Variants in JAM2 observed in about 807,000 individuals in gnomAD.
JAM2 encodes the protein junctional adhesion molecule 2, also known as junctional adhesion molecule B.
JAM2 carries 17 observed loss-of-function variants against 42.0 expected under a neutral mutation model. That is an observed-to-expected ratio of 0.40 (90% CI 0.28 to 0.61). The LOEUF (loss-of-function observed/expected upper bound fraction) is 0.61. JAM2 is among the 20% of genes least tolerant of loss of function. The pLI, the probability that JAM2 is intolerant of heterozygous loss-of-function variation, is 0.37. For missense variants in JAM2, 319 were observed against 358.3 expected (o/e 0.89, Z 0.89); for synonymous variants, 118 against 128.6 (o/e 0.92, Z 0.56).
At chr21:25,663,179 A>G (rs556205186) in intron 1 of JAM2, among the ~76,000 whole-genome samples, 4 of 152,288 alleles carry the variant, frequency 2.6e-5, no homozygotes, top group Admixed American at 6.5e-5. Flanking sequence ...TGCCTTGAAC[A>G]TAGGGTTTGT....
chr21:25,707,937 C>A (rs1325672167), intron 7 of JAM2, among the ~76,000 whole-genome samples: 1 of 151,872 alleles, frequency 6.6e-6, no homozygotes, highest in African/African-American at 2.4e-5. Flanking sequence ...CTTGACTTTC[C>A]GGGCTCAAGC....
At chr21:25,691,744 A>T (rs956732800) in intron 3 of JAM2, among the ~76,000 whole-genome samples, 6 of 152,080 alleles carry the variant, frequency 3.9e-5, no homozygotes, top group Admixed American at 3.3e-4. Context: ...AAAATATAAC[A>T]TGGGGCTGGG....
At chr21:25,708,308 C>T (rs2034312388) in intron 7 of JAM2, among the ~76,000 whole-genome samples, 1 of 152,142 alleles carries the variant, frequency 6.6e-6, no homozygotes, top group Admixed American at 6.5e-5. Flanking sequence ...GTGGCTCACA[C>T]TTGCATTCCC....
chr21:25,714,273 G>A (rs1328084752), intron 9 of JAM2: 8 of 1,232,934 alleles, frequency 6.5e-6, no homozygotes, highest in Admixed American at 4.7e-5. Flanking sequence ...TTGGAAGGCC[G>A]CGGCGGGCGG....
Position 25,709,446 on chromosome 21 carries a change from T to G in JAM2, c.818T>G (p.Phe273Cys). ...RKGYFSKETS[F>C]QKSNSSSKAT... The stretch of plus-strand genomic sequence containing the variant: ...TTTTCTTTTGTAGAAGAAACCTCCT[T>G]CCAGTAAGTATACTTTCCTACAATG... The change falls in exon 8 of 10, where the codon TTC becomes TGC. Residue 273 changes from phenylalanine to cysteine, a missense_variant. By Grantham distance (205) the Phe-to-Cys change is radical (BLOSUM62 -2). Coordinates refer to ENST00000480456, the MANE Select transcript of JAM2 (RefSeq NM_021219.4). 2 of 1,443,314 alleles carry G rather than the reference T, an allele frequency of 1.4e-6. No individual in the cohort carries two copies. Among genetic ancestry groups the G allele is most frequent in the South Asian group, 1.3e-5 (1 of 77,402 alleles). The allele number at this position is 1,443,314 out of a possible 1,614,324, so 89.4% of individuals were successfully genotyped here. A position where few individuals can be genotyped will look rare whatever the true frequency, so the allele number is the denominator to read the frequency against.
At chr21:25,708,287 G>T (rs983135158) in intron 7 of JAM2, among the ~76,000 whole-genome samples, 1 of 152,092 alleles carries the variant, frequency 6.6e-6, no homozygotes, top group Admixed American at 6.6e-5. Context: ...AGAATAACTG[G>T]GCTGGGTGTG....
intron 4 of JAM2, among the ~76,000 whole-genome samples, chr21:25,697,319 G>T (rs557456760): frequency 7.9e-5 from 12 of 152,116 alleles, no homozygotes; most frequent in Non-Finnish European, 1.0e-4. Context: ...ACAGTACCTA[G>T]ATTAGTGTTT....
intron 1 of JAM2, among the ~76,000 whole-genome samples, chr21:25,682,744 A>G (rs1197312775): frequency 6.6e-6 from 1 of 152,178 alleles, no homozygotes; most frequent in Non-Finnish European, 1.5e-5. Context: ...TTGAAGGATG[A>G]ATGCAGGGTT....
intron 6 of JAM2, among the ~76,000 whole-genome samples, chr21:25,704,532 A>C (rs1363636356): frequency 6.6e-6 from 1 of 152,224 alleles, no homozygotes; most frequent in South Asian, 2.1e-4. Context: ...GCTTTAAAAT[A>C]TTTAAATTAT....
At chr21:25,695,103 T>A (rs1277149127) in intron 4 of JAM2, among the ~76,000 whole-genome samples, 2 of 151,852 alleles carry the variant, frequency 1.3e-5, no homozygotes, top group African/African-American at 2.4e-5. Context: ...GGGTCTTTGG[T>A]TTTCCTAGGC....
chr21:25,709,523 C>A, intron 8 of JAM2, 74 bp downstream of exon 8: 1 of 998,100 alleles, frequency 1.0e-6, no homozygotes, highest in Non-Finnish European at 1.5e-6. Context: ...TGTTTAAAGT[C>A]AAAAGAGAGA....
At chr21:25,678,204 CA>C (rs1176099154) in intron 1 of JAM2, among the ~76,000 whole-genome samples, 1 of 151,972 alleles carries the variant, frequency 6.6e-6, no homozygotes, top group African/African-American at 2.4e-5. Context: ...CCAGCCTGGG[CA>C]ATAGAGCGAG....
At chr21:25,685,584 A>T (rs2033734264) in intron 2 of JAM2, among the ~76,000 whole-genome samples, 1 of 152,104 alleles carries the variant, frequency 6.6e-6, no homozygotes, top group Non-Finnish European at 1.5e-5. Flanking sequence ...TTTAATAACA[A>T]ATTACTTAAA....
At chr21:25,665,698 G>A (rs545035206) in intron 1 of JAM2, among the ~76,000 whole-genome samples, 2 of 152,192 alleles carry the variant, frequency 1.3e-5, no homozygotes, top group South Asian at 2.1e-4. Context: ...TCAATTGACC[G>A]GATGAGACCC....
Position 25,684,988 on chromosome 21 carries a change from A to G in JAM2, c.133+1040A>G, listed in dbSNP as rs187462574. ...TTAATAATATTGGGCAATCAGAAGA[A>G]TTACTATTTCTTAAATTTAATACTT... is the stretch of plus-strand genomic sequence containing the variant. On this transcript the variant is annotated intron_variant, in intron 2 of 9. Transcript: ENST00000480456. 1.2e-4 allele frequency among the ~76,000 whole-genome samples: 18 copies of G among 152,296 alleles called. No individual in the cohort carries two copies. The East Asian group carries it at 3.3e-3, about 28-fold the overall frequency.
intron 1 of JAM2, among the ~76,000 whole-genome samples, chr21:25,677,439 A>G (rs2033524289): frequency 6.6e-6 from 1 of 152,228 alleles, no homozygotes; most frequent in Non-Finnish European, 1.5e-5. Flanking sequence ...CAGAAATTTT[A>G]TAGTAATTTT....
intron 2 of JAM2, among the ~76,000 whole-genome samples, chr21:25,689,625 A>G (rs2033831883): frequency 6.6e-6 from 1 of 152,208 alleles, no homozygotes; most frequent in Non-Finnish European, 1.5e-5. Context: ...ATACTAGCCC[A>G]TTTACAGATG....
intron 1 of JAM2, among the ~76,000 whole-genome samples, chr21:25,682,905 C>T (rs563862617): frequency 3.9e-5 from 6 of 151,946 alleles, no homozygotes; most frequent in Non-Finnish European, 8.8e-5. Flanking sequence ...GGTGTTCAGA[C>T]GTCTCTCCTC....
At chr21:25,660,235 T>C (rs1035305497) in intron 1 of JAM2, among the ~76,000 whole-genome samples, 3 of 152,312 alleles carry the variant, frequency 2.0e-5, no homozygotes, top group South Asian at 4.1e-4. Flanking sequence ...TATAGTTTTA[T>C]TGTGAGAACA....
Sources: allele counts gnomAD v4.1 joint callset (sites outside exome capture counted in the v4.1 genomes callset), GRCh38; gene constraint gnomAD v4.1.1; transcripts MANE v1.5; gene names NCBI Gene and HGNC (gene_info 2026-07-23, HGNC 2026-07-21).